Variants in MAPK4 observed in about 807,000 individuals in gnomAD.
The protein encoded by MAPK4 is Erk3-related.
In MAPK4, 22 loss-of-function variants were observed where a neutral mutation model predicts 47.7. That is an observed-to-expected ratio of 0.46 (90% CI 0.33 to 0.66). MAPK4 has a LOEUF of 0.66. Among genes scored for constraint, MAPK4 ranks in the 30% least tolerant of loss-of-function variants. The pLI is 0.02. For missense variants in MAPK4, 736 were observed against 831.7 expected, an observed-to-expected ratio of 0.88 and a Z score of 1.42; for synonymous variants, 390 against 365.7, an observed-to-expected ratio of 1.07 and a Z score of -0.76.
chr18:50,655,112 G>C (rs1201559996), intron 1 of MAPK4, among the ~76,000 whole-genome samples: 1 of 152,142 alleles, frequency 6.6e-6, no homozygotes, highest in Non-Finnish European at 1.5e-5. Flanking sequence ...CCCCACAGGC[G>C]TGTTCTTTAG....
At chr18:50,587,797 CG>C (rs2042401718) in intron 1 of MAPK4, among the ~76,000 whole-genome samples, 2 of 152,170 alleles carry the variant, frequency 1.3e-5, no homozygotes, top group African/African-American at 4.8e-5. Flanking sequence ...GGCGCGATCT[CG>C]GCTCATTGCA....
chr18:50,719,954 C>A (rs1375819632), intron 3 of MAPK4, among the ~76,000 whole-genome samples: 1 of 152,190 alleles, frequency 6.6e-6, no homozygotes, highest in African/African-American at 2.4e-5. Flanking sequence ...GAACACCTTC[C>A]CCGGAAGTCC....
intron 1 of MAPK4, among the ~76,000 whole-genome samples, chr18:50,600,227 G>C (rs1464300098): frequency 1.3e-5 from 2 of 152,208 alleles, no homozygotes; most frequent in Non-Finnish European, 2.9e-5. Flanking sequence ...GGCATTTGTA[G>C]AGTTGTTGGT....
intron 1 of MAPK4, among the ~76,000 whole-genome samples, chr18:50,620,474 A>G (rs1318358423): frequency 6.6e-6 from 1 of 152,246 alleles, no homozygotes; most frequent in East Asian, 1.9e-4. Context: ...TGTGGCCATG[A>G]ACTGAGATAC....
chr18:50,706,535 G>C (rs947322561), intron 2 of MAPK4, among the ~76,000 whole-genome samples: 2 of 151,798 alleles, frequency 1.3e-5, no homozygotes, highest in African/African-American at 4.8e-5. Flanking sequence ...AGTGCCACCA[G>C]ATTTCCCCTT....
chr18:50,688,351 C>G (rs923092636), intron 2 of MAPK4, among the ~76,000 whole-genome samples: 1 of 152,118 alleles, frequency 6.6e-6, no homozygotes, highest in South Asian at 2.1e-4. Context: ...TGTCTGGGCT[C>G]CAGACCCCTC....
chr18:50,644,741 T>C (rs1568059557), intron 1 of MAPK4, among the ~76,000 whole-genome samples: 1 of 152,170 alleles, frequency 6.6e-6, no homozygotes, highest in East Asian at 1.9e-4. Context: ...ATGGCTGAGC[T>C]CAAATCCTCA....
At chr18:50,568,647 C>G (rs2042223129) in intron 1 of MAPK4, among the ~76,000 whole-genome samples, 1 of 152,170 alleles carries the variant, frequency 6.6e-6, no homozygotes, top group South Asian at 2.1e-4. Context: ...ACTCTACTGC[C>G]TATTTCTGGG....
chr18:50,662,582 T>C (rs1016485856), intron 1 of MAPK4, among the ~76,000 whole-genome samples: 1 of 152,222 alleles, frequency 6.6e-6, no homozygotes, highest in African/African-American at 2.4e-5. Flanking sequence ...GAGATACAAA[T>C]GTCATTACAT....
intron 1 of MAPK4, among the ~76,000 whole-genome samples, chr18:50,569,711 C>A (rs1445346642): frequency 6.6e-6 from 1 of 152,198 alleles, no homozygotes; most frequent in Non-Finnish European, 1.5e-5. Flanking sequence ...AACAGAACAA[C>A]AATAACAACA....
Position 50,731,070 on chromosome 18 carries a change from AAGGT to A in MAPK4, c.*1220_*1223del, listed in dbSNP as rs765363402. 2.0e-5 allele frequency: 3 copies of A among 152,300 alleles called. No individual in the cohort carries two copies. Among genetic ancestry groups the A allele is most frequent in the African/African-American group, 4.8e-5 (2 of 41,440 alleles). 9.4% of individuals were successfully genotyped at this position (152,300 alleles called of 1,614,324 possible). On this transcript the variant is annotated 3_prime_UTR_variant, in exon 6 of 6. Coordinates refer to ENST00000400384, the MANE Select transcript of MAPK4 (RefSeq NM_002747.4). ...TGACCTTGGGGGCAAGGAATCCAGA[AAGGT>A]AGGAAGATATGAAAAGAGAGGTGTC...
intron 2 of MAPK4, among the ~76,000 whole-genome samples, chr18:50,714,684 G>A (rs1022959585): frequency 4.6e-5 from 7 of 152,200 alleles, no homozygotes; most frequent in African/African-American, 1.4e-4. Context: ...TACAGAAAAC[G>A]CCAGAGTCTC....
chr18:50,702,161 C>CAA (rs36001271), intron 2 of MAPK4, among the ~76,000 whole-genome samples: 3,262 of 95,078 alleles, frequency 0.034, 175 homozygotes, highest in African/African-American at 0.093. Flanking sequence ...GATTCTGTCT[C>CAA]AAAAAAAAAA....
intron 1 of MAPK4, among the ~76,000 whole-genome samples, chr18:50,660,355 T>G (rs1239674294): frequency 6.6e-6 from 1 of 152,202 alleles, no homozygotes; most frequent in Non-Finnish European, 1.5e-5. Flanking sequence ...TTGGTCTGAA[T>G]GGTTAGGGCT....
intron 1 of MAPK4, among the ~76,000 whole-genome samples, chr18:50,566,652 A>G (rs551930435): frequency 6.6e-6 from 1 of 152,368 alleles, no homozygotes; most frequent in East Asian, 1.9e-4. Flanking sequence ...GGTGTGTGTA[A>G]ACACAGGCAG....
intron 2 of MAPK4, among the ~76,000 whole-genome samples, chr18:50,687,085 G>A (rs1309292917): frequency 6.6e-6 from 1 of 152,182 alleles, no homozygotes; most frequent in Non-Finnish European, 1.5e-5. Context: ...GTACAGTTCA[G>A]TGTCTTTTAG....
intron 2 of MAPK4, among the ~76,000 whole-genome samples, chr18:50,703,729 A>G (rs1909906857): frequency 6.6e-6 from 1 of 152,228 alleles, no homozygotes. Context: ...CAAGCACTAC[A>G]TACTAAATCC....
In MAPK4 at chr18:50,663,985, C is replaced by A; in HGVS notation, c.27C>A (p.Ala9=). The A allele has an allele frequency of 6.2e-7, 1 of 1,613,300 alleles. No homozygotes were observed. The highest frequency in any genetic ancestry group is 8.5e-7 in the Non-Finnish European group (1 of 1,179,594). Residue 9 remains alanine, a synonymous_variant, in exon 2 of 6, where the codon GCC becomes GCA. Coordinates refer to ENST00000400384, the MANE Select transcript of MAPK4 (RefSeq NM_002747.4). ...TGGCTGAGAAGGGTGACTGCATCGC[C>A]AGTGTCTATGGGTATGACCTCGGTG... is the stretch of plus-strand genomic sequence containing the variant. MAEKGDCI[A]SVYGYDLGGR...
In MAPK4 at chr18:50,715,189, G is replaced by A; in HGVS notation, c.657G>A (p.Leu219=). 6.2e-7 allele frequency: 1 copy of A among 1,614,150 alleles called. No homozygotes were observed. The highest frequency in any genetic ancestry group is 1.1e-5 in the South Asian group (1 of 91,074). Residue 219 remains leucine (L), a synonymous_variant, in exon 3 of 6, where the codon CTG becomes CTA. Transcript: ENST00000400384. The part of the protein sequence containing the change: ...AIDMWAAGCI[L]AEMLTGRMLF... Reference sequence around the variant, plus strand: ...ACATGTGGGCCGCCGGCTGCATCCTGGCTGAGATGCTTACGGGGAGAATGC... The same window carrying A: ...ACATGTGGGCCGCCGGCTGCATCCTAGCTGAGATGCTTACGGGGAGAATGC...
Sources: allele counts gnomAD v4.1 joint callset (sites outside exome capture counted in the v4.1 genomes callset), GRCh38; gene constraint gnomAD v4.1.1; transcripts MANE v1.5; gene names NCBI Gene and HGNC (gene_info 2026-07-23, HGNC 2026-07-21).